The following LMTK2 variants were observed in gnomAD, a reference collection of about 807,000 sequenced individuals.
LMTK2 encodes the protein lemur tail kinase 2.
In LMTK2, 37 loss-of-function variants were observed where a neutral mutation model predicts 127.5. That is an observed-to-expected ratio of 0.29 (90% confidence interval 0.22 to 0.38). The LOEUF (loss-of-function observed/expected upper bound fraction) is 0.38. LMTK2 is among the 10% of genes least tolerant of loss of function. The pLI, the probability that LMTK2 is intolerant of heterozygous loss-of-function variation, is 1.00. For missense variants in LMTK2, 1,694 were observed against 1,920.3 expected (o/e 0.88, Z 2.20); for synonymous variants, 819 against 810.1 (o/e 1.01, Z -0.19).
chr7:98,202,251 ACTTTT>A (rs1330951222), intron 11 of LMTK2, among the ~76,000 whole-genome samples: 16 of 151,684 alleles, frequency 1.1e-4, no homozygotes, highest in South Asian at 1.0e-3. Context: ...TGGTTATTAT[ACTTTT>A]CTTTTCTGAG....
chr7:98,144,390 A>C (rs116724444), intron 3 of LMTK2, among the ~76,000 whole-genome samples: 6,303 of 151,442 alleles, frequency 0.042, 447 homozygotes, highest in African/African-American at 0.15. Flanking sequence ...CCAATATCTC[A>C]CCATTGCACT....
chr7:98,134,018 T>C (rs1796562841), intron 1 of LMTK2, among the ~76,000 whole-genome samples: 1 of 152,130 alleles, frequency 6.6e-6, no homozygotes, highest in Non-Finnish European at 1.5e-5. Context: ...CAAAGGACAG[T>C]GGGCTGTTTT....
rs77215224 is a variant in LMTK2 at position 98,162,927 on chromosome 7, C to G, written c.657+3502C>G. Among the ~76,000 whole-genome samples the G allele has an allele frequency of 4.7e-3, 716 of 152,288 alleles. 2 individuals carry two copies. The highest frequency in any genetic ancestry group is 0.014 in the Middle Eastern group (4 of 294). On this transcript the variant is annotated intron_variant, in intron 6 of 13. Coordinates refer to ENST00000297293, the MANE Select transcript of LMTK2 (RefSeq NM_014916.4). The stretch of plus-strand genomic sequence containing the variant: ...TGAATGGATAAACCAAATCTGCTCT[C>G]TCTGTGCAATGGAGGATTGTTAAAA...
At chr7:98,151,327 A>G in intron 3 of LMTK2, 55 bp from the exon 4 acceptor site, 1 of 1,173,324 alleles carries the variant, frequency 8.5e-7, no homozygotes. Flanking sequence ...TTTATAGGTT[A>G]TATATTTAAT....
chr7:98,172,034 A>G (rs985033279), intron 7 of LMTK2, among the ~76,000 whole-genome samples: 1 of 152,164 alleles, frequency 6.6e-6, no homozygotes, highest in Non-Finnish European at 1.5e-5. Flanking sequence ...GCCCGGTTTC[A>G]TGGTGCATCC....
rs1468077937 is a variant in LMTK2 at position 98,209,307 on chromosome 7, T to TG, written c.*3816dup. ...AGCCTGTGAAGATCAGTTTGACCGG[T>TG]GTGGACACGTGCTGGTTAAGCACTC... On this transcript the variant is annotated 3_prime_UTR_variant, in exon 14 of 14. Transcript: ENST00000297293. 1.3e-5 allele frequency: 2 copies of TG among 152,196 alleles called. No homozygotes were observed. Among genetic ancestry groups the TG allele is most frequent in the Non-Finnish European group, 2.9e-5 (2 of 68,044 alleles). 9.4% of individuals were successfully genotyped at this position (152,196 alleles called of 1,614,324 possible).
intron 1 of LMTK2, among the ~76,000 whole-genome samples, chr7:98,132,439 C>T (rs1023532806): frequency 1.3e-5 from 2 of 152,090 alleles, no homozygotes; most frequent in Non-Finnish European, 2.9e-5. Context: ...TTAGTAGAGA[C>T]GGGATTTCAC....
intron 11 of LMTK2, among the ~76,000 whole-genome samples, chr7:98,202,936 G>C (rs917424845): frequency 6.6e-6 from 1 of 152,130 alleles, no homozygotes; most frequent in Admixed American, 6.5e-5. Context: ...GCAATCGCAC[G>C]CGCATCTGGA....
intron 7 of LMTK2, among the ~76,000 whole-genome samples, chr7:98,183,665 C>T (rs1006017505): frequency 1.3e-5 from 2 of 152,120 alleles, no homozygotes; most frequent in Non-Finnish European, 2.9e-5. Flanking sequence ...ACTGGGATTA[C>T]AAGTGTGATC....
intron 7 of LMTK2, among the ~76,000 whole-genome samples, chr7:98,173,832 G>T (rs963617463): frequency 6.6e-6 from 1 of 152,132 alleles, no homozygotes; most frequent in African/African-American, 2.4e-5. Context: ...CGAGGCAGGC[G>T]GATCACAAGG....
chr7:98,163,043 G>T (rs1797038743), intron 6 of LMTK2, among the ~76,000 whole-genome samples: 1 of 152,142 alleles, frequency 6.6e-6, no homozygotes, highest in Admixed American at 6.5e-5. Flanking sequence ...GACAAGTTCT[G>T]GGTAATTCTA....
At chr7:98,178,464 T>G (rs1797306364) in intron 7 of LMTK2, among the ~76,000 whole-genome samples, 1 of 152,162 alleles carries the variant, frequency 6.6e-6, no homozygotes, top group South Asian at 2.1e-4. Context: ...AGTCTCATGG[T>G]TACTGTGGTC....
At chr7:98,174,977 G>A (rs1033513091) in intron 7 of LMTK2, among the ~76,000 whole-genome samples, 2 of 152,146 alleles carry the variant, frequency 1.3e-5, no homozygotes, top group African/African-American at 2.4e-5. Context: ...TTTGCAGAAC[G>A]TTCTGTGAGT....
chr7:98,154,999 T>G (rs889293386), intron 5 of LMTK2, 123 bp downstream of exon 5: 49 of 634,232 alleles, frequency 7.7e-5, no homozygotes, highest in Non-Finnish European at 1.4e-5. Context: ...CAAGGTCTCA[T>G]AAGACCTAAA....
At chr7:98,176,349 CCAAAACTTAAT>C (rs1017102487) in intron 7 of LMTK2, among the ~76,000 whole-genome samples, 2 of 152,110 alleles carry the variant, frequency 1.3e-5, no homozygotes, top group African/African-American at 4.8e-5. Flanking sequence ...CAAAACTTTA[CCAAAACTTAAT>C]AGCAATATCA....
At position 98,193,050 on chromosome 7, in the gene LMTK2, C is replaced by T; in HGVS notation, c.2585C>T (p.Ala862Val). 2.5e-6 allele frequency: 4 copies of T among 1,613,986 alleles called. No individual in the cohort carries two copies. Among genetic ancestry groups the T allele is most frequent in the Non-Finnish European group, 3.4e-6 (4 of 1,180,020 alleles). Residue 862 changes from alanine (A) to valine (V), a missense_variant, in exon 11 of 14, where the codon GCT becomes GTT. By Grantham distance (64) the Ala-to-Val change is moderately conservative (BLOSUM62 0). This residue lies in a region of LMTK2 where 527 missense variants were observed against 539.8 expected (regional missense o/e 0.98). Coordinates refer to ENST00000297293, the MANE Select transcript of LMTK2 (RefSeq NM_014916.4). The surrounding 1 kb of genome is among the most constrained non-coding windows in gnomAD (Gnocchi z 4.1). Reference sequence around the variant, plus strand: ...CTCCACCAGGACATCAGTCCAGACGCTGTGACTGTCCCGGTTGAAATTCTC... The same window carrying T: ...CTCCACCAGGACATCAGTCCAGACGTTGTGACTGTCCCGGTTGAAATTCTC... ...DCLHQDISPD[A>V]VTVPVEILST...
intron 1 of LMTK2, among the ~76,000 whole-genome samples, chr7:98,122,693 T>C: frequency 4.3e-4 from 1 of 2,352 alleles, no homozygotes; most frequent in South Asian, 0.1. Flanking sequence ...TGTGTGTGTG[T>C]GTGTGTGTGT....
chr7:98,155,765 G>A (rs533370387), intron 5 of LMTK2, among the ~76,000 whole-genome samples: 63 of 152,312 alleles, frequency 4.1e-4, no homozygotes, highest in Non-Finnish European at 7.8e-4. Flanking sequence ...CAGCAAACCT[G>A]CCTTAGAAGA....
chr7:98,202,409 G>A (rs1273063460), intron 11 of LMTK2, among the ~76,000 whole-genome samples: 1 of 152,130 alleles, frequency 6.6e-6, no homozygotes, highest in Non-Finnish European at 1.5e-5. Context: ...TCTGTGGTAC[G>A]GTGACACTGG....
Sources: gnomAD v4.1 joint callset for allele counts (sites outside exome capture counted in the v4.1 genomes callset) on GRCh38, gnomAD v4.1.1 for gene constraint, gnomAD v4.1.1 regional missense constraint, Gnocchi (gnomAD v3.1) non-coding constraint, MANE v1.5 for transcripts, NCBI Gene and HGNC (gene_info 2026-07-23, HGNC 2026-07-21) for gene names.